The following CNTN5 variants were observed in gnomAD, a reference collection of about 807,000 sequenced individuals.
CNTN5 encodes the protein contactin-5.
A neutral mutation model predicts 129.1 loss-of-function variants in CNTN5; 77 were observed. The observed-to-expected ratio is 0.60, with a 90% confidence interval of 0.50 to 0.72. The LOEUF (loss-of-function observed/expected upper bound fraction) is 0.72, where lower values mean the gene tolerates loss of function less well. Among genes scored for constraint, CNTN5 ranks in the 30% least tolerant of loss-of-function variants. The probability of loss-of-function intolerance (pLI) is 0.00; values close to 1 mark genes in which losing one functional copy is unlikely to be tolerated. For synonymous variants in CNTN5, 509 were observed against 465.6 expected (o/e 1.09, Z -1.20); for missense variants, 1,478 against 1,328.8 (o/e 1.11, Z -1.75).
At chr11:99,365,158 C>T (rs933582365) in intron 2 of CNTN5, among the ~76,000 whole-genome samples, 2 of 152,112 alleles carry the variant, frequency 1.3e-5, no homozygotes, top group African/African-American at 4.8e-5. Flanking sequence ...CTACTTAGTG[C>T]TTTGATACTG....
chr11:100,148,721 T>TAACA (rs57611569), intron 13 of CNTN5, among the ~76,000 whole-genome samples: 1 of 151,264 alleles, frequency 6.6e-6, no homozygotes, highest in Non-Finnish European at 1.5e-5. Flanking sequence ...TAGATATATC[T>TAACA]AACAAACAAA....
At chr11:99,786,665 C>G (rs1406690057) in intron 3 of CNTN5, among the ~76,000 whole-genome samples, 7 of 152,050 alleles carry the variant, frequency 4.6e-5, no homozygotes, top group Non-Finnish European at 5.9e-5. Flanking sequence ...ACATATAGAC[C>G]AATGGAACAG....
chr11:99,976,459 C>T (rs1937980624), intron 8 of CNTN5, among the ~76,000 whole-genome samples: 1 of 152,152 alleles, frequency 6.6e-6, no homozygotes, highest in South Asian at 2.1e-4. Flanking sequence ...ATGAGGTCTC[C>T]ACCCCTGCGT....
rs189854611 is a variant in CNTN5, at chr11:100,319,931, A to G, written c.2730+11463A>G. Among the ~76,000 whole-genome samples, 378 of 152,344 alleles carry G rather than the reference A, an allele frequency of 2.5e-3. 1 individual carries two copies. The highest frequency in any genetic ancestry group is 4.2e-3 in the Non-Finnish European group (283 of 68,034). The stretch of plus-strand genomic sequence containing the variant: ...GTGAATAGAATTTCGCTGTGTCTAT[A>G]TAACACATTTTCTTTATCTGTTCAT... On this transcript the variant is annotated intron_variant, in intron 21 of 24. Coordinates refer to ENST00000524871, the MANE Select transcript of CNTN5 (RefSeq NM_014361.4).
chr11:99,753,589 A>T (rs1944308684), intron 3 of CNTN5, among the ~76,000 whole-genome samples: 1 of 146,334 alleles, frequency 6.8e-6, no homozygotes, highest in African/African-American at 2.6e-5. Flanking sequence ...TTGTGGCCCC[A>T]CTAAACTATC....
intron 3 of CNTN5, among the ~76,000 whole-genome samples, chr11:99,794,662 A>T (rs1945869938): frequency 6.6e-6 from 1 of 151,792 alleles, no homozygotes; most frequent in Admixed American, 6.6e-5. Flanking sequence ...AAAGAATCTT[A>T]TTTTTCCTTT....
rs757312285 is a variant in CNTN5, at chr11:99,956,985, A to G, written c.853A>G (p.Thr285Ala). 1.2e-6 allele frequency: 2 copies of G among 1,613,648 alleles called. No homozygotes were observed. Among genetic ancestry groups the G allele is most frequent in the African/African-American group, 1.3e-5 (1 of 74,904 alleles). The change falls in exon 8 of 25, where the codon ACG becomes GCG. Residue 285 changes from threonine (T) to alanine (A), a missense_variant. Coordinates refer to ENST00000524871, the MANE Select transcript of CNTN5 (RefSeq NM_014361.4). ...GAATGCTAGAGTCCTTAGTCCTCCA[A>G]CGCCACTCACTCTGCGTAATGATGG... Reference protein sequence around the residue: ...VTNARVLSPPTPLTLRNDGVM... With the variant: ...VTNARVLSPPAPLTLRNDGVM...
chr11:99,183,653 G>A (rs1034505646), intron 1 of CNTN5, among the ~76,000 whole-genome samples: 3 of 151,828 alleles, frequency 2.0e-5, no homozygotes, highest in African/African-American at 4.8e-5. Context: ...CTCTATCCTC[G>A]GTTTTCTTCT....
rs548964974 is a variant in CNTN5, at chr11:99,616,972, G to A, written c.55+60703G>A. ...CTAAAAATATAAAAATTAGCTGGGC[G>A]TGGTGGCACGTGCCTGTAATCCCAG... is the stretch of plus-strand genomic sequence containing the variant. On this transcript the variant is annotated intron_variant, in intron 3 of 24. Transcript: ENST00000524871. Among the ~76,000 whole-genome samples the A allele has an allele frequency of 1.1e-3, 171 of 152,234 alleles. 1 individual carries two copies. The South Asian group carries it at 0.024, about 22-fold the overall frequency.
At chr11:100,035,759 T>C (rs1361647249) in intron 9 of CNTN5, among the ~76,000 whole-genome samples, 57 of 151,768 alleles carry the variant, frequency 3.8e-4, no homozygotes, top group African/African-American at 1.4e-3. Flanking sequence ...TTTGGCTGCA[T>C]AAATGTCTTC....
intron 3 of CNTN5, among the ~76,000 whole-genome samples, chr11:99,718,388 G>A (rs983948965): frequency 6.6e-6 from 1 of 152,094 alleles, no homozygotes; most frequent in African/African-American, 2.4e-5. Context: ...AACAGATCCT[G>A]TTTTCAGAGA....
In CNTN5 at chr11:99,061,426, A is replaced by T. The variant is rs557030960; in HGVS notation, c.-210+40156A>T. 6.9e-4 allele frequency among the ~76,000 whole-genome samples: 105 copies of T among 152,144 alleles called. 1 individual carries two copies. The highest frequency in any genetic ancestry group is 5.3e-4 in the Non-Finnish European group (36 of 67,970). On this transcript the variant is annotated intron_variant, in intron 1 of 24. Coordinates refer to ENST00000524871, the MANE Select transcript of CNTN5 (RefSeq NM_014361.4). ...ATTCCGCCCAACTGAGTTTGCAAAGACACCAGAAGTTTCTGGGGTGTGCCC... is the reference window on the plus strand; with the variant it reads ...ATTCCGCCCAACTGAGTTTGCAAAGTCACCAGAAGTTTCTGGGGTGTGCCC...
intron 1 of CNTN5, among the ~76,000 whole-genome samples, chr11:99,243,338 C>G (rs74805687): frequency 0.038 from 5,708 of 152,050 alleles, 365 homozygotes; most frequent in African/African-American, 0.13. Context: ...AATTATGTTA[C>G]TTATAGGTTC....
chr11:100,172,304 A>C (rs539503518), intron 13 of CNTN5, among the ~76,000 whole-genome samples: 1 of 151,938 alleles, frequency 6.6e-6, no homozygotes. Context: ...TAATTACATT[A>C]AAAAAAGTGA....
chr11:99,790,652 T>C (rs542698606), intron 3 of CNTN5, among the ~76,000 whole-genome samples: 35 of 152,264 alleles, frequency 2.3e-4, no homozygotes, highest in African/African-American at 7.9e-4. Context: ...TGTGTTTTTA[T>C]GGTAGAATGA....
intron 16 of CNTN5, among the ~76,000 whole-genome samples, chr11:100,247,757 G>A (rs1174914973): frequency 1.3e-5 from 2 of 151,910 alleles, no homozygotes; most frequent in Non-Finnish European, 2.9e-5. Flanking sequence ...AATGTACTAT[G>A]AAAAGTCTAG....
rs572029425 is a variant in CNTN5, at chr11:99,993,738, G to A, written c.878-8296G>A. ...ACCACTGCAGGTCTGTGGCCTGGAG[G>A]GGTGGGGAACCCTGAGCTAGGCTCA... On this transcript the variant is annotated intron_variant, in intron 8 of 24. Coordinates refer to ENST00000524871, the MANE Select transcript of CNTN5 (RefSeq NM_014361.4). Among the ~76,000 whole-genome samples, 10 of 152,184 alleles carry A rather than the reference G, an allele frequency of 6.6e-5. No homozygotes were observed. The South Asian group carries it at 2.1e-3, about 32-fold the overall frequency.
chr11:99,508,050 A>G (rs1312641732), intron 2 of CNTN5, among the ~76,000 whole-genome samples: 1 of 152,236 alleles, frequency 6.6e-6, no homozygotes, highest in Non-Finnish European at 1.5e-5. Flanking sequence ...TGACATTTTC[A>G]TATTCAAAAT....
intron 21 of CNTN5, among the ~76,000 whole-genome samples, chr11:100,328,183 G>C (rs1382202040): frequency 4.8e-5 from 5 of 103,208 alleles, no homozygotes; most frequent in Admixed American, 4.6e-4. Context: ...AGACCATGTC[G>C]CTACCAAAAA....
Sources: gnomAD v4.1 joint callset for allele counts (sites outside exome capture counted in the v4.1 genomes callset) on GRCh38, gnomAD v4.1.1 for gene constraint, MANE v1.5 for transcripts, NCBI Gene and HGNC (gene_info 2026-07-23, HGNC 2026-07-21) for gene names.